The following ADAM22 variants were observed in gnomAD, a reference collection of about 807,000 sequenced individuals.
ADAM22 encodes ADAM metallopeptidase domain 22.
A neutral mutation model predicts 144.6 loss-of-function variants in ADAM22; 65 were observed. The observed-to-expected ratio is 0.45, with a 90% CI of 0.37 to 0.55. ADAM22 has a LOEUF of 0.55. Ranked by LOEUF, ADAM22 falls within the 20% of genes least tolerant of loss-of-function variation. The pLI is 0.00. For synonymous variants in ADAM22, 391 were observed against 412.6 expected, an observed-to-expected ratio of 0.95 and a Z score of 0.63; for missense variants, 974 against 1,184.9, an observed-to-expected ratio of 0.82 and a Z score of 2.61.
intron 26 of ADAM22, among the ~76,000 whole-genome samples, chr7:88,177,849 GAAAA>G (rs376083861): frequency 6.4e-4 from 98 of 152,230 alleles, no homozygotes; most frequent in African/African-American, 2.2e-3. Context: ...AACCAAATAA[GAAAA>G]AGAAAAGTTA....
chr7:88,185,829 G>A (rs1848168191), intron 29 of ADAM22: 1 of 152,210 alleles, frequency 6.6e-6, no homozygotes. Flanking sequence ...TTCTCTGGCA[G>A]TCATTCACAC....
At chr7:88,031,269 G>A (rs548592563) in intron 3 of ADAM22, among the ~76,000 whole-genome samples, 18 of 152,224 alleles carry the variant, frequency 1.2e-4, no homozygotes, top group Non-Finnish European at 2.2e-4. Context: ...TGTGGAAGCA[G>A]CTTTAAAACT....
At chr7:88,134,007 G>A (rs932886789) in intron 12 of ADAM22, among the ~76,000 whole-genome samples, 14 of 152,050 alleles carry the variant, frequency 9.2e-5, no homozygotes, top group Admixed American at 6.6e-5. Context: ...TCCAAAAGAC[G>A]GATTTAATTA....
intron 3 of ADAM22, among the ~76,000 whole-genome samples, chr7:88,003,728 C>G (rs1793128530): frequency 6.6e-6 from 1 of 152,164 alleles, no homozygotes; most frequent in African/African-American, 2.4e-5. Context: ...AAAAACTTGT[C>G]ACTGTTGAAT....
At chr7:87,982,699 A>AT (rs10527361) in intron 3 of ADAM22, among the ~76,000 whole-genome samples, 8,863 of 60,102 alleles carry the variant, frequency 0.15, 928 homozygotes, top group African/African-American at 0.18. Context: ...ATATATATAT[A>AT]ATTTTTTTTT....
intron 4 of ADAM22, among the ~76,000 whole-genome samples, chr7:88,081,209 C>A (rs1816498033): frequency 6.6e-6 from 1 of 152,034 alleles, no homozygotes; most frequent in Admixed American, 6.6e-5. Context: ...TAAACGTAAT[C>A]CAGCATATAG....
chr7:88,137,826 T>C (rs1225890034), intron 14 of ADAM22, among the ~76,000 whole-genome samples: 1 of 152,184 alleles, frequency 6.6e-6, no homozygotes, highest in Non-Finnish European at 1.5e-5. Context: ...GGAAAATAAA[T>C]GATAGAGGAA....
Position 88,150,988 on chromosome 7 carries a change from C to G in ADAM22, c.1574C>G (p.Pro525Arg). 1 of 1,613,394 alleles carries G rather than the reference C, an allele frequency of 6.2e-7. No homozygotes were observed. Among genetic ancestry groups the G allele is most frequent in the South Asian group, 1.1e-5 (1 of 91,044 alleles). Residue 525 changes from proline to arginine, a missense_variant, in exon 19 of 32, where the codon CCT becomes CGT. This residue lies in a region of ADAM22 where 734 missense variants were observed against 950.6 expected (regional missense o/e 0.77). Transcript: ENST00000413139. ...TTGTTCTCTTTTTCCTAGTGTGCCC[C>G]TAATATTCATAAAATGGATGGATAT... ...TCSGNSSQCA[P>R]NIHKMDGYSC...
chr7:88,106,032 G>A (rs1466160721), intron 4 of ADAM22, among the ~76,000 whole-genome samples: 1 of 152,196 alleles, frequency 6.6e-6, no homozygotes, highest in East Asian at 1.9e-4. Flanking sequence ...TCTGTAATTT[G>A]TTTAAGATTA....
intron 3 of ADAM22, among the ~76,000 whole-genome samples, chr7:87,982,670 CATATATATAT>C (rs3086405): frequency 2.6e-4 from 10 of 38,110 alleles, no homozygotes; most frequent in South Asian, 1.2e-3. Context: ...TCAGTTATTA[CATATATATAT>C]ATATATATAT....
chr7:88,065,994 T>C (rs2129477720), intron 3 of ADAM22, among the ~76,000 whole-genome samples: 1 of 152,300 alleles, frequency 6.6e-6, no homozygotes, highest in Non-Finnish European at 1.5e-5. Flanking sequence ...TTTTTCTTCA[T>C]TAGATTCTTA....
At chr7:88,027,488 C>T (rs1799259990) in intron 3 of ADAM22, among the ~76,000 whole-genome samples, 2 of 152,120 alleles carry the variant, frequency 1.3e-5, no homozygotes, top group Non-Finnish European at 2.9e-5. Context: ...GGAATTTACC[C>T]ATTTCTTCTA....
At chr7:88,026,234 T>C (rs745761879) in intron 3 of ADAM22, among the ~76,000 whole-genome samples, 1 of 152,196 alleles carries the variant, frequency 6.6e-6, no homozygotes, top group Non-Finnish European at 1.5e-5. Flanking sequence ...AAGCATGGCA[T>C]CATCTGCTTC....
intron 4 of ADAM22, among the ~76,000 whole-genome samples, chr7:88,080,595 C>T (rs574907971): frequency 4.1e-4 from 62 of 151,614 alleles, no homozygotes; most frequent in Middle Eastern, 3.4e-3. Context: ...ATTGATAGAC[C>T]GTTAGCAAGA....
chr7:88,090,003 G>T (rs558466328), intron 4 of ADAM22: 8 of 152,270 alleles, frequency 5.3e-5, no homozygotes, highest in African/African-American at 1.7e-4. Flanking sequence ...AGTTCACATA[G>T]CATAAACTGA....
chr7:87,974,120 C>G (rs1037915328), intron 2 of ADAM22, among the ~76,000 whole-genome samples: 5 of 149,290 alleles, frequency 3.3e-5, no homozygotes, highest in Admixed American at 6.6e-5. Flanking sequence ...AAAGAGAAAC[C>G]TTGTCTCTAC....
At position 88,147,846 on chromosome 7, in the gene ADAM22, A is replaced by C. The variant is rs17150273; in HGVS notation, c.1486-1131A>C. 4.9e-3 allele frequency among the ~76,000 whole-genome samples: 742 copies of C among 152,286 alleles called. 9 individuals are homozygous for C. The highest frequency in any genetic ancestry group is 0.017 in the African/African-American group (710 of 41,550). On this transcript the variant is annotated intron_variant, in intron 17 of 31. Transcript: ENST00000413139. The stretch of plus-strand genomic sequence containing the variant: ...TAAAATGTTGGCTTGTCTTAGTCCC[A>C]AGGAAGAAGAGAAACGTGAAATTAA...
intron 3 of ADAM22, among the ~76,000 whole-genome samples, chr7:87,991,400 C>T (rs1789836581): frequency 6.9e-6 from 1 of 145,312 alleles, no homozygotes; most frequent in Non-Finnish European, 1.5e-5. Context: ...CGCTCTGTCG[C>T]CCAGGCCGGA....
intron 3 of ADAM22, among the ~76,000 whole-genome samples, chr7:88,065,669 A>T (rs1811045475): frequency 6.6e-6 from 1 of 151,990 alleles, no homozygotes; most frequent in Admixed American, 6.6e-5. Context: ...CTTCTATGGC[A>T]TGTTAGTGTC....
Sources: gnomAD v4.1 joint callset for allele counts (sites outside exome capture counted in the v4.1 genomes callset) on GRCh38, gnomAD v4.1.1 for gene constraint, gnomAD v4.1.1 regional missense constraint, MANE v1.5 for transcripts, NCBI Gene and HGNC (gene_info 2026-07-23, HGNC 2026-07-21) for gene names.